DDX11: variants seen among roughly 807,000 people sequenced by gnomAD.
DDX11 encodes the protein ATP-dependent DNA helicase DDX11.
A neutral mutation model predicts 125.2 loss-of-function variants in DDX11; 72 were observed. That is an observed-to-expected ratio of 0.58 (90% CI 0.48 to 0.70). DDX11 has a LOEUF of 0.70. Ranked by LOEUF, DDX11 falls within the 30% of genes least tolerant of loss-of-function variation. The pLI, the probability that DDX11 is intolerant of heterozygous loss-of-function variation, is 0.00. For missense variants in DDX11, 883 were observed against 1,165.0 expected (o/e 0.76, Z 3.52); for synonymous variants, 347 against 452.6 (o/e 0.77, Z 2.96).
chr12:31,085,003 G>A lies in DDX11; in HGVS notation c.515G>A (p.Arg172His), dbSNP rs375550254. The change falls in exon 5 of 27, where the codon CGC becomes CAC. Residue 172 changes from arginine to histidine, a missense_variant. By Grantham distance (29) the Arg-to-His change is conservative (BLOSUM62 0). Coordinates refer to ENST00000542838, the MANE Select transcript of DDX11 (RefSeq NM_030653.4). ...QEEEERENLL[R>H]LSREMLETGP... is the part of the protein sequence containing the mutation. Reference sequence around the variant, plus strand: ...GAAGAAGAAAGAGAGAATCTCCTCCGCCTCAGCAGGGAGATGCTAGAGACA... The same window carrying A: ...GAAGAAGAAAGAGAGAATCTCCTCCACCTCAGCAGGGAGATGCTAGAGACA... The A allele has an allele frequency of 8.7e-6, 14 of 1,610,680 alleles. No individual in the cohort carries two copies. Among genetic ancestry groups the A allele is most frequent in the African/African-American group, 2.7e-5 (2 of 74,948 alleles).
chr12:31,102,771 C>G, intron 23 of DDX11, 165 bp from the exon 24 acceptor site: 2 of 754,732 alleles, frequency 2.6e-6, no homozygotes, highest in Non-Finnish European at 4.6e-6. Flanking sequence ...GATCTCTCAG[C>G]CGAACAAGCC....
chr12:31,081,851 AC>A (rs1942009626), intron 2 of DDX11, among the ~76,000 whole-genome samples: 1 of 110,982 alleles, frequency 9.0e-6, no homozygotes, highest in Admixed American at 9.9e-5. Flanking sequence ...GCCGGAGTAT[AC>A]CACGGTTGTT....
chr12:31,077,297 A>G (rs1410141738), intron 1 of DDX11, among the ~76,000 whole-genome samples: 3 of 151,284 alleles, frequency 2.0e-5, no homozygotes, highest in Non-Finnish European at 4.4e-5. Context: ...AGGAGAGGAG[A>G]AAAAAAAAGA....
At chr12:31,074,298 A>G (rs1257278167) in intron 1 of DDX11, 3 of 152,198 alleles carry the variant, frequency 2.0e-5, no homozygotes, top group Non-Finnish European at 4.4e-5. Context: ...CTTTTCATGG[A>G]TTATCTTACG....
intron 17 of DDX11, 90 bp downstream of exon 17, chr12:31,097,080 A>G (rs1475273450): frequency 1.8e-5 from 28 of 1,551,934 alleles, no homozygotes; most frequent in African/African-American, 2.7e-5. Context: ...CTTTCCTTCC[A>G]TCCTGGGAAC....
intron 17 of DDX11, among the ~76,000 whole-genome samples, chr12:31,097,275 GA>G (rs1486003792): frequency 6.6e-6 from 1 of 152,082 alleles, no homozygotes; most frequent in Non-Finnish European, 1.5e-5. Flanking sequence ...GGGTCCTAGG[GA>G]AACTTCTACT....
Position 31,084,975 on chromosome 12 carries a change from G to A in DDX11, c.487G>A (p.Glu163Lys). 5 of 1,605,602 alleles carry A rather than the reference G, an allele frequency of 3.1e-6. No homozygotes were observed. Among genetic ancestry groups the A allele is most frequent in the Admixed American group, 1.7e-5 (1 of 59,198 alleles). ...LKYAAKRLRQ[E>K]EEERENLLRL... ...CTCCACTACCCCTGTCCAGAGGCAGGAAGAAGAAGAAAGAGAGAATCTCCT... is the reference window on the plus strand; with the variant it reads ...CTCCACTACCCCTGTCCAGAGGCAGAAAGAAGAAGAAAGAGAGAATCTCCT... Residue 163 changes from glutamate (E) to lysine (K), a missense_variant, in exon 5 of 27, where the codon GAA (glutamate) becomes AAA (lysine). Glu to Lys is a moderately conservative substitution (Grantham distance 56). This residue lies in a region of DDX11 where 283 missense variants were observed against 359.6 expected (regional missense o/e 0.79). Coordinates refer to ENST00000542838, the MANE Select transcript of DDX11 (RefSeq NM_030653.4).
At chr12:31,097,540 T>C (rs1945500794) in intron 17 of DDX11, among the ~76,000 whole-genome samples, 1 of 146,890 alleles carries the variant, frequency 6.8e-6, no homozygotes, top group Non-Finnish European at 1.5e-5. Context: ...ATTAGCAGGG[T>C]GTGGTGGTGG....
Position 31,097,870 on chromosome 12 carries a change from G to A in DDX11, c.1763-15G>A, listed in dbSNP as rs12366526. 0.11 allele frequency: 171,277 copies of A among 1,576,142 alleles called. 9,936 individuals carry two copies. The highest frequency in any genetic ancestry group is 0.19 in the Middle Eastern group (1,133 of 5,922). ...GTTGGGCTTGCACTCACCTCCCACC[G>A]ATCTGTTTTTCCAGGCAGCCTCAGT... On this transcript the variant is annotated splice_polypyrimidine_tract_variant and intron_variant, in intron 17 of 26. Coordinates refer to ENST00000542838, the MANE Select transcript of DDX11 (RefSeq NM_030653.4).
At chr12:31,091,300 C>T (rs1225213626) in intron 9 of DDX11, 2 of 159,134 alleles carry the variant, frequency 1.3e-5, no homozygotes, top group Admixed American at 6.3e-5. Flanking sequence ...ATGAGGAAAG[C>T]AAGAGTCAGA....
In DDX11 at chr12:31,104,021, G is replaced by T. The variant is rs1946864799; in HGVS notation, c.*185G>T. On this transcript the variant is annotated 3_prime_UTR_variant, in exon 27 of 27. Transcript: ENST00000542838. ...TTAGCTCCCGTAGGAGAAAATGGGG[G>T]AATCCTGAATGAACAGTGGGTCCTG... 6.4e-7 allele frequency: 1 copy of T among 1,552,904 alleles called. No individual in the cohort carries two copies. The highest frequency in any genetic ancestry group is 2.4e-5 in the East Asian group (1 of 40,980).
In DDX11 at chr12:31,080,689, A is replaced by G. The variant is rs148713756; in HGVS notation, c.144+2152A>G. Among the ~76,000 whole-genome samples, 49 of 152,200 alleles carry G rather than the reference A, an allele frequency of 3.2e-4. No individual in the cohort carries two copies. In the East Asian group the frequency reaches 9.3e-3, roughly 29 times the overall value. On this transcript the variant is annotated intron_variant, in intron 2 of 26. Transcript: ENST00000542838. Reference sequence around the variant, plus strand: ...TTTCTTTTTGTGGGTGTAAGCCTCCATATTACTTTGGTTAATTTTAGTGTG... The same window carrying G: ...TTTCTTTTTGTGGGTGTAAGCCTCCGTATTACTTTGGTTAATTTTAGTGTG...
At chr12:31,098,035 T>C in intron 18 of DDX11, 38 bp downstream of exon 18, 1 of 1,566,476 alleles carries the variant, frequency 6.4e-7, no homozygotes, top group South Asian at 1.1e-5. Flanking sequence ...GCCCCAGGTG[T>C]TGGGATGAGA....
chr12:31,081,510 C>T (rs1210793797), intron 2 of DDX11, among the ~76,000 whole-genome samples: 1 of 151,798 alleles, frequency 6.6e-6, no homozygotes, highest in Non-Finnish European at 1.5e-5. Context: ...TTGTGTAATA[C>T]TGCAGTTCCG....
chr12:31,084,107 G>T (rs374414900), intron 3 of DDX11, 46 bp downstream of exon 3: 1 of 1,609,170 alleles, frequency 6.2e-7, no homozygotes, highest in East Asian at 2.2e-5. Context: ...AGGAAACAGG[G>T]CTTCAGCGAT....
At chr12:31,082,705 T>C (rs1290262144) in intron 2 of DDX11, among the ~76,000 whole-genome samples, 3 of 151,886 alleles carry the variant, frequency 2.0e-5, no homozygotes, top group South Asian at 4.2e-4. Flanking sequence ...CTGGAAGAAC[T>C]GTATTGGTTC....
chr12:31,087,955 A>G lies in DDX11; in HGVS notation c.656A>G (p.Asp219Gly), dbSNP rs143867166. 2.7e-5 allele frequency: 44 copies of G among 1,608,498 alleles called. No individual in the cohort carries two copies. The highest frequency in any genetic ancestry group is 3.7e-5 in the Non-Finnish European group (43 of 1,177,904). Residue 219 changes from aspartate (D) to glycine (G), a missense_variant, in exon 6 of 27, where the codon GAT (aspartate) becomes GGT (glycine). Coordinates refer to ENST00000542838, the MANE Select transcript of DDX11 (RefSeq NM_030653.4). ...KVASRVDEDE[D>G]DLEEEHITKI... ...ACACACAGAGTGGATGAGGATGAGG[A>G]TGACCTGGAGGAAGAACACATAACT...
In DDX11 at chr12:31,092,806, C is replaced by T. The variant is rs180875219; in HGVS notation, c.1243-40C>T. On this transcript the variant is annotated intron_variant, in intron 10 of 26. Coordinates refer to ENST00000542838, the MANE Select transcript of DDX11 (RefSeq NM_030653.4). ...TCTAAGATGTCAGTACCTTAGCCCT[C>T]AGCTGCTTGCTCAGAGCCTGGTTTG... The T allele has an allele frequency of 1.8e-3, 2,819 of 1,595,204 alleles. 79 individuals are homozygous for T. The East Asian group carries it at 0.049, about 28-fold the overall frequency.
rs987981052 is a variant in DDX11 at position 31,078,643 on chromosome 12, A to T, written c.144+106A>T. ...ATTTTCATAGTTTGAAGTTGGGCAG[A>T]GTAGTCTCTGTTTATCTGAGTAATA... On this transcript the variant is annotated intron_variant, in intron 2 of 26. Coordinates refer to ENST00000542838, the MANE Select transcript of DDX11 (RefSeq NM_030653.4). 3.9e-6 allele frequency: 6 copies of T among 1,520,704 alleles called. No individual in the cohort carries two copies. The African/African-American group carries it at 8.2e-5, about 21-fold the overall frequency. 94.2% of individuals were successfully genotyped at this position (1,520,704 alleles called of 1,614,324 possible). A position where few individuals can be genotyped will look rare whatever the true frequency, so the allele number is the denominator to read the frequency against.
Sources: gnomAD v4.1 joint callset for allele counts (sites outside exome capture counted in the v4.1 genomes callset) on GRCh38, gnomAD v4.1.1 for gene constraint, gnomAD v4.1.1 regional missense constraint, MANE v1.5 for transcripts, NCBI Gene and HGNC (gene_info 2026-07-23, HGNC 2026-07-21) for gene names.